The following TTN variants were observed in gnomAD, a reference collection of about 807,000 sequenced individuals.
The protein encoded by TTN is connectin.
TTN carries 1,525 observed loss-of-function variants against 3,223.0 expected under a neutral mutation model. That is an observed-to-expected ratio of 0.47 (90% CI 0.45 to 0.49). The LOEUF is 0.49. Ranked by LOEUF, TTN falls within the 20% of genes least tolerant of loss-of-function variation. TTN has a pLI of 0.00. For missense variants in TTN, 40,786 were observed against 43,424.0 expected (o/e 0.94, Z 5.40); for synonymous variants, 14,094 against 15,161.0 (o/e 0.93, Z 5.17).
chr2:178,775,518 C>T lies in TTN; in HGVS notation c.6346G>A (p.Val2116Ile), dbSNP rs1412544693. Residue 2116 changes from valine (V) to isoleucine (I), a missense_variant, in exon 28 of 363, where the codon GTC (valine) becomes ATC (isoleucine). By Grantham distance (29) the Val-to-Ile change is conservative (BLOSUM62 3). Coordinates refer to ENST00000589042, the MANE Select transcript of TTN (RefSeq NM_001267550.2). ...DPECEWYKNG[V>I]KIERSDRIYW... Reference sequence around the variant, plus strand: ...ATCCGGTCAGACCGTTCAATTTTGACACCATTTTTGTACCATTCACATTCG... The same window carrying T: ...ATCCGGTCAGACCGTTCAATTTTGATACCATTTTTGTACCATTCACATTCG... 1 of 1,613,978 alleles carries T rather than the reference C, an allele frequency of 6.2e-7. No individual in the cohort carries two copies. The highest frequency in any genetic ancestry group is 1.1e-5 in the South Asian group (1 of 91,082).
Position 178,664,925 on chromosome 2 carries a change from C to A in TTN, c.36045G>T (p.Thr12015=). 1.2e-6 allele frequency: 2 copies of A among 1,605,394 alleles called. No homozygotes were observed. Among genetic ancestry groups the A allele is most frequent in the Admixed American group, 1.7e-5 (1 of 58,870 alleles). The change falls in exon 166 of 363, where the codon ACG becomes ACT. Residue 12015 remains threonine (T), a splice_region_variant and synonymous_variant. Transcript: ENST00000589042. ...GAATAATTTCTTGAGGAGCTTCGGG[C>A]GCTTGAAAGATATTAGCAATTCACA... The part of the protein sequence containing the change: ...PEEPETPRMK[T]PEAPQEIIPA...
In TTN at chr2:178,607,529, A is replaced by G. The variant is rs201358641; in HGVS notation, c.53159T>C (p.Ile17720Thr). The change falls in exon 277 of 363, where the codon ATA becomes ACA. Residue 17720 changes from isoleucine to threonine, a missense_variant. Ile to Thr is a moderately conservative substitution (Grantham distance 89). Coordinates refer to ENST00000589042, the MANE Select transcript of TTN (RefSeq NM_001267550.2). ...EGELDKDRVV[I>T]DNVGTKSELI... ...TTCAGATTTGGTTCCAACGTTGTCT[A>G]TTACAACACGGTCTTTATCCAGCTC... is the stretch of plus-strand genomic sequence containing the variant. The G allele has an allele frequency of 1.8e-4, 297 of 1,613,098 alleles. No individual in the cohort carries two copies. Among genetic ancestry groups the G allele is most frequent in the Non-Finnish European group, 2.2e-4 (255 of 1,179,406 alleles).
rs1702239501 is a variant in TTN, at chr2:178,558,203, T to C, written c.87151A>G (p.Ser29051Gly). The C allele has an allele frequency of 6.2e-7, 1 of 1,609,338 alleles. No individual in the cohort carries two copies. Among genetic ancestry groups the C allele is most frequent in the Admixed American group, 1.7e-5 (1 of 58,898 alleles). Residue 29051 changes from serine (S) to glycine (G), a missense_variant, in exon 328 of 363, where the codon AGT (serine) becomes GGT (glycine). By Grantham distance (56) the Ser-to-Gly change is moderately conservative (BLOSUM62 0). Coordinates refer to ENST00000589042, the MANE Select transcript of TTN (RefSeq NM_001267550.2). ...PPEIDMKNFP[S>G]HTVYVRAGSN... ...CCAGCTCTAACATATACAGTGTGACTTGGGAAATTCTTCATATCAATTTCA... is the reference window on the plus strand; with the variant it reads ...CCAGCTCTAACATATACAGTGTGACCTGGGAAATTCTTCATATCAATTTCA...
chr2:178,725,985 A>G lies in TTN; in HGVS notation c.20337T>C (p.Ser6779=). 1.9e-6 allele frequency: 3 copies of G among 1,605,448 alleles called. No individual in the cohort carries two copies. Among genetic ancestry groups the G allele is most frequent in the Non-Finnish European group, 2.6e-6 (3 of 1,175,212 alleles). ...IVETLKNAEV[S]LECELSGTPP... ...GTGTTCCCGAAAGTTCACATTCAAG[A>G]CTGACTTCAGCATTTTTAAGGGTTT... Residue 6779 remains serine, a synonymous_variant, in exon 70 of 363, where the codon AGT becomes AGC. Transcript: ENST00000589042.
At position 178,589,834 on chromosome 2, in the gene TTN, T is replaced by C; in HGVS notation, c.61891A>G (p.Asn20631Asp). Residue 20631 changes from asparagine to aspartate, a missense_variant, in exon 304 of 363, where the codon AAC becomes GAC. By Grantham distance (23) the Asn-to-Asp change is conservative. Coordinates refer to ENST00000589042, the MANE Select transcript of TTN (RefSeq NM_001267550.2). Reference protein sequence around the residue: ...SDVTKRLIKANLLANNEYYFR... With the variant: ...SDVTKRLIKADLLANNEYYFR... Reference sequence around the variant, plus strand: ...TAGTATTCATTGTTGGCTAAAAGGTTGGCCTTGATTAATCGTTTAGTGACA... The same window carrying C: ...TAGTATTCATTGTTGGCTAAAAGGTCGGCCTTGATTAATCGTTTAGTGACA... The C allele has an allele frequency of 6.2e-7, 1 of 1,613,538 alleles. No homozygotes were observed. Among genetic ancestry groups the C allele is most frequent in the Non-Finnish European group, 8.5e-7 (1 of 1,179,602 alleles).
chr2:178,610,860 A>T, intron 270 of TTN, 133 bp downstream of exon 270: 3 of 1,119,740 alleles, frequency 2.7e-6, no homozygotes, highest in South Asian at 3.0e-5. Context: ...CTATGGAAAG[A>T]CATAATCAGA....
At chr2:178,664,367 T>C (rs1309473126) in intron 168 of TTN, 93 bp downstream of exon 168, 2 of 992,556 alleles carry the variant, frequency 2.0e-6, no homozygotes, top group Non-Finnish European at 3.1e-6. Flanking sequence ...ATGATTCACA[T>C]GTACACATCA....
Position 178,729,429 on chromosome 2 carries a change from T to C in TTN, c.18727A>G (p.Lys6243Glu), listed in dbSNP as rs764402049. The C allele has an allele frequency of 2.5e-6, 4 of 1,613,562 alleles. No individual in the cohort carries two copies. The South Asian group carries it at 4.4e-5, about 18-fold the overall frequency. Reference protein sequence around the residue: ...LKNNREIRSSKKYTLTDRVSV... With the variant: ...LKNNREIRSSEKYTLTDRVSV... ...ACTCTGTCGGTCAATGTGTATTTTT[T>C]GCTGCTTCGAATTTCCCTGTTATTC... Residue 6243 changes from lysine to glutamate, a missense_variant, in exon 64 of 363, where the codon AAA becomes GAA. Coordinates refer to ENST00000589042, the MANE Select transcript of TTN (RefSeq NM_001267550.2).
In TTN at chr2:178,768,081, C is replaced by G; in HGVS notation, c.9238G>C (p.Glu3080Gln). 1 of 1,614,118 alleles carries G rather than the reference C, an allele frequency of 6.2e-7. No individual in the cohort carries two copies. The highest frequency in any genetic ancestry group is 8.5e-7 in the Non-Finnish European group (1 of 1,180,006). Residue 3080 changes from glutamate (E) to glutamine (Q), a missense_variant, in exon 39 of 363, where the codon GAA (glutamate) becomes CAA (glutamine). Glu to Gln is a conservative substitution (Grantham distance 29, BLOSUM62 2). Coordinates refer to ENST00000589042, the MANE Select transcript of TTN (RefSeq NM_001267550.2). Reference sequence around the variant, plus strand: ...ACAGTGATGTCAGGTTCAGAAACTTCACATTCAAACATGGCTCGCTTCTTC... The same window carrying G: ...ACAGTGATGTCAGGTTCAGAAACTTGACATTCAAACATGGCTCGCTTCTTC... ...LEKKRAMFECEVSEPDITVQW... is the reference protein window; with the variant it reads ...LEKKRAMFECQVSEPDITVQW...
In TTN at chr2:178,569,229, TTTTTATTTTGGA is replaced by T. The variant is rs1707217952; in HGVS notation, c.76891_76902del (p.Ser25631_Lys25634del). On this transcript the variant is annotated inframe_deletion, in exon 326 of 363. Coordinates refer to ENST00000589042, the MANE Select transcript of TTN (RefSeq NM_001267550.2). ...GCTTCACGTTTCTCAACAATGTAAT[TTTTTATTTTGGA>T]TCCCCCATCCAACAAAGGAGGTTCC... is the stretch of plus-strand genomic sequence containing the variant. 1 of 1,603,916 alleles carries T rather than the reference TTTTTATTTTGGA, an allele frequency of 6.2e-7. No homozygotes were observed. The highest frequency in any genetic ancestry group is 8.5e-7 in the Non-Finnish European group (1 of 1,174,506).
In TTN at chr2:178,677,214, T is replaced by G; in HGVS notation, c.34365A>C (p.Pro11455=). The change falls in exon 147 of 363, where the codon CCA becomes CCC. Residue 11455 remains proline (P), a synonymous_variant. Coordinates refer to ENST00000589042, the MANE Select transcript of TTN (RefSeq NM_001267550.2). ...PVPAPKKVEP[P]PPPKVPEIKK... ...GGGGAGGTGTACCTTTGGGTGGTGG[T>G]GGAGGTTCCACTTTTTTAGGGGCGG... 2 of 1,224,514 alleles carry G rather than the reference T, an allele frequency of 1.6e-6. No homozygotes were observed. Among genetic ancestry groups the G allele is most frequent in the Non-Finnish European group, 2.0e-6 (2 of 983,432 alleles). 75.9% of individuals were successfully genotyped at this position (1,224,514 alleles called of 1,614,324 possible). A position where few individuals can be genotyped will look rare whatever the true frequency, so the allele number is the denominator to read the frequency against.
At chr2:178,606,821 A>G (rs545413368) in intron 278 of TTN, among the ~76,000 whole-genome samples, 200 bp downstream of exon 278, 12 of 152,116 alleles carry the variant, frequency 7.9e-5, no homozygotes, top group Non-Finnish European at 1.5e-4. Context: ...TGATTAATAT[A>G]CTTACAGCCA....
chr2:178,750,048 T>TGAA (rs752911409), intron 47 of TTN: 1 of 1,613,232 alleles, frequency 6.2e-7, no homozygotes, highest in South Asian at 1.1e-5. Context: ...TTAGACTCTT[T>TGAA]ATCCTGTTCT....
chr2:178,729,337 T>C lies in TTN; in HGVS notation c.18819A>G (p.Val6273=), dbSNP rs1009524630. 3 of 1,613,346 alleles carry C rather than the reference T, an allele frequency of 1.9e-6. No homozygotes were observed. The highest frequency in any genetic ancestry group is 2.5e-6 in the Non-Finnish European group (3 of 1,179,430). The change falls in exon 64 of 363, where the codon GTA becomes GTG. Residue 6273 remains valine (V), a synonymous_variant. Transcript: ENST00000589042. The part of the protein sequence containing the change: ...PSDTGEYQCI[V]SNEGGSCSCS... Reference sequence around the variant, plus strand: ...ATGAGCAGCTGCCGCCTTCATTGGATACAATGCACTGGTATTCCCCAGTGT... The same window carrying C: ...ATGAGCAGCTGCCGCCTTCATTGGACACAATGCACTGGTATTCCCCAGTGT...
chr2:178,649,469 A>G, intron 212 of TTN, 85 bp downstream of exon 212: 1 of 1,422,828 alleles, frequency 7.0e-7, no homozygotes, highest in Non-Finnish European at 9.4e-7. Context: ...TTAGTTATGC[A>G]ACAACAATGA....
chr2:178,699,699 C>A (rs1577626269), intron 111 of TTN, among the ~76,000 whole-genome samples: 4 of 144,376 alleles, frequency 2.8e-5, no homozygotes, highest in Admixed American at 2.1e-4. Context: ...GCGTGAGCCA[C>A]CGCGCCCAGC....
intron 46 of TTN, among the ~76,000 whole-genome samples, chr2:178,754,454 G>A (rs559108557): frequency 6.6e-6 from 1 of 152,196 alleles, no homozygotes; most frequent in South Asian, 2.1e-4. Flanking sequence ...GGAACTGAAT[G>A]AACTGGAGAT....
rs776647163 is a variant in TTN at position 178,618,284 on chromosome 2, C to A, written c.47174G>T (p.Gly15725Val). The change falls in exon 252 of 363, where the codon GGA becomes GTA. Residue 15725 changes from glycine (G) to valine (V), a missense_variant. Gly to Val is a moderately radical substitution (Grantham distance 109). Coordinates refer to ENST00000589042, the MANE Select transcript of TTN (RefSeq NM_001267550.2). ...ACTCACACGGAATAGGTACTCAACT[C>A]CTCCTTTCTGTAGACCAGTGACAGT... The part of the protein sequence containing the change: ...EFTVTGLQKG[G>V]VEYLFRVSAR... 1 of 1,612,734 alleles carries A rather than the reference C, an allele frequency of 6.2e-7. No individual in the cohort carries two copies. Among genetic ancestry groups the A allele is most frequent in the Admixed American group, 1.7e-5 (1 of 59,926 alleles).
In TTN at chr2:178,542,713, A is replaced by T; in HGVS notation, c.97141T>A (p.Leu32381Met). ...IRDTGEYTLE[L>M]KNVTGTTSET... ...GAAGTAGTTCCGGTAACATTCTTCA[A>T]TTCAAGTGTGTATTCTCCAGTATCT... Residue 32381 changes from leucine to methionine, a missense_variant, in exon 348 of 363, where the codon TTG (leucine) becomes ATG (methionine). Transcript: ENST00000589042. The T allele has an allele frequency of 6.2e-7, 1 of 1,613,842 alleles. No homozygotes were observed. The highest frequency in any genetic ancestry group is 8.5e-7 in the Non-Finnish European group (1 of 1,179,762).
Sources: allele counts gnomAD v4.1 joint callset (sites outside exome capture counted in the v4.1 genomes callset), GRCh38; gene constraint gnomAD v4.1.1; transcripts MANE v1.5; gene names NCBI Gene and HGNC (gene_info 2026-07-23, HGNC 2026-07-21).